EPHA6: variants seen among roughly 807,000 people sequenced by gnomAD.
The protein encoded by EPHA6 is ephrin type-A receptor 6.
Under a neutral mutation model 112.0 loss-of-function variants are expected in EPHA6, and 50 were observed. The ratio of observed to expected loss-of-function variants is 0.45; its 90% CI spans 0.36 to 0.56. The LOEUF (loss-of-function observed/expected upper bound fraction) is 0.56, where lower values mean the gene tolerates loss of function less well. Among genes scored for constraint, EPHA6 ranks in the 20% least tolerant of loss-of-function variants. The probability of loss-of-function intolerance (pLI) is 0.00; values close to 1 mark genes in which losing one functional copy is unlikely to be tolerated. For missense variants in EPHA6, 1,280 were observed against 1,417.4 expected (o/e 0.90, Z 1.56); for synonymous variants, 529 against 490.7 (o/e 1.08, Z -1.03).
chr3:97,615,906 T>C (rs908032307), intron 13 of EPHA6, among the ~76,000 whole-genome samples: 3 of 152,152 alleles, frequency 2.0e-5, no homozygotes, highest in African/African-American at 7.2e-5. Context: ...TTCCGGGCTT[T>C]GGAGAGCCCA....
chr3:97,481,520 T>G (rs1224749125), intron 9 of EPHA6: 1 of 926,180 alleles, frequency 1.1e-6, no homozygotes, highest in Non-Finnish European at 1.7e-6. Flanking sequence ...GGCGCGGGGC[T>G]AAGTGCAGGC....
chr3:97,689,445 G>T (rs978703810), intron 14 of EPHA6, among the ~76,000 whole-genome samples: 5 of 152,120 alleles, frequency 3.3e-5, no homozygotes, highest in African/African-American at 9.7e-5. Flanking sequence ...ATTTAGAAGG[G>T]TAATTTTTTG....
At chr3:97,728,335 A>G (rs528744896) in intron 15 of EPHA6, among the ~76,000 whole-genome samples, 3 of 152,074 alleles carry the variant, frequency 2.0e-5, no homozygotes, top group Non-Finnish European at 4.4e-5. Context: ...AGAAAAAAAA[A>G]TAGTCTCAGA....
chr3:97,179,717 G>GTCTCTCTCTCTCTC lies in EPHA6; in HGVS notation c.1115-46516_1115-46503dup, dbSNP rs71113852. Among the ~76,000 whole-genome samples the GTCTCTCTCTCTCTC allele has an allele frequency of 3.6e-3, 431 of 119,154 alleles. 28 individuals carry two copies. The highest frequency in any genetic ancestry group is 0.015 in the African/African-American group (403 of 26,154). 78.2% of individuals were successfully genotyped at this position (119,154 alleles called of 152,430 possible). A position where few individuals can be genotyped will look rare whatever the true frequency, so the allele number is the denominator to read the frequency against. On this transcript the variant is annotated intron_variant, in intron 3 of 17. Transcript: ENST00000389672. ...TTTTACTTTCTGCCAAACCTACAGA[G>GTCTCTCTCTCTCTC]TCTCTCTCTCTCTCTCTCTCTCTCT...
At chr3:97,553,844 G>A (rs1022993821) in intron 11 of EPHA6, among the ~76,000 whole-genome samples, 7 of 152,122 alleles carry the variant, frequency 4.6e-5, no homozygotes, top group Non-Finnish European at 1.0e-4. Context: ...TTCCCAAAAG[G>A]AAGGTAATTG....
rs2107455330 is a variant in EPHA6 at position 96,866,850 on chromosome 3, A to G, written c.411A>G (p.Val137=). 1 of 1,493,622 alleles carries G rather than the reference A, an allele frequency of 6.7e-7. No individual in the cohort carries two copies. The highest frequency in any genetic ancestry group is 1.4e-5 in the South Asian group (1 of 73,056). The allele number at this position is 1,493,622 out of a possible 1,614,324, so 92.5% of individuals were successfully genotyped here. ...TTGTGTTGCTTGATACAACAACTGT[A>G]CTGGGAGAGCTAGGATGGAAAACAT... The part of the protein sequence containing the change: ...NQVVLLDTTT[V]LGELGWKTYP... Residue 137 remains valine (V), a synonymous_variant, in exon 2 of 18, where the codon GTA becomes GTG. Coordinates refer to ENST00000389672, the MANE Select transcript of EPHA6 (RefSeq NM_001080448.3).
chr3:96,976,080 A>T (rs77478859), intron 2 of EPHA6, among the ~76,000 whole-genome samples: 4,450 of 152,248 alleles, frequency 0.029, 218 homozygotes, highest in African/African-American at 0.099. Flanking sequence ...TTATCCTGTA[A>T]TTTGTACATT....
Position 97,637,882 on chromosome 3 carries a change from G to A in EPHA6, c.2584G>A (p.Gly862Ser). ...TGTGATTCTCTTGCAGAAGCATGAT[G>A]GCCACTTCACAGTCATCCAGTTGGT... Reference protein sequence around the residue: ...SLDSFLRKHDGHFTVIQLVGM... With the variant: ...SLDSFLRKHDSHFTVIQLVGM... Residue 862 changes from glycine (G) to serine (S), a missense_variant, in exon 14 of 18, where the codon GGC (glycine) becomes AGC (serine). By Grantham distance (56) the Gly-to-Ser change is moderately conservative. Transcript: ENST00000389672. 1 of 1,613,530 alleles carries A rather than the reference G, an allele frequency of 6.2e-7. No individual in the cohort carries two copies. The highest frequency in any genetic ancestry group is 8.5e-7 in the Non-Finnish European group (1 of 1,179,546).
intron 2 of EPHA6, among the ~76,000 whole-genome samples, chr3:96,913,265 G>A (rs1242216545): frequency 6.6e-6 from 1 of 151,352 alleles, no homozygotes; most frequent in African/African-American, 2.4e-5. Flanking sequence ...AGCTACTCAA[G>A]AGGCTAAGGT....
chr3:97,005,238 G>A (rs772498502), intron 3 of EPHA6, among the ~76,000 whole-genome samples: 1 of 151,812 alleles, frequency 6.6e-6, no homozygotes, highest in Non-Finnish European at 1.5e-5. Context: ...TTGAATCTTC[G>A]TATCCATGAG....
chr3:97,465,638 G>A (rs1461166751), intron 7 of EPHA6, among the ~76,000 whole-genome samples: 1 of 152,010 alleles, frequency 6.6e-6, no homozygotes, highest in African/African-American at 2.4e-5. Context: ...TCACTTTCAG[G>A]AGATGGTTAA....
chr3:97,448,164 C>A (rs1226164293), intron 6 of EPHA6, among the ~76,000 whole-genome samples: 1 of 152,104 alleles, frequency 6.6e-6, no homozygotes, highest in East Asian at 1.9e-4. Flanking sequence ...GCACTACCTG[C>A]GGGTAGAAGT....
chr3:97,634,706 G>A (rs1018015121), intron 13 of EPHA6, among the ~76,000 whole-genome samples: 2 of 151,988 alleles, frequency 1.3e-5, no homozygotes, highest in Non-Finnish European at 2.9e-5. Context: ...TAGGACAGGG[G>A]CCCAGTCTTT....
chr3:97,273,912 G>C (rs936319414), intron 5 of EPHA6, among the ~76,000 whole-genome samples: 2 of 152,140 alleles, frequency 1.3e-5, no homozygotes, highest in Non-Finnish European at 2.9e-5. Flanking sequence ...TTTCTGACTC[G>C]GGGCATGTGA....
At chr3:97,220,847 T>C (rs1272725390) in intron 3 of EPHA6, among the ~76,000 whole-genome samples, 2 of 152,138 alleles carry the variant, frequency 1.3e-5, no homozygotes, top group Non-Finnish European at 2.9e-5. Context: ...CAATAGAGAA[T>C]AGCATAGCCA....
intron 2 of EPHA6, among the ~76,000 whole-genome samples, chr3:96,933,372 T>C (rs2040431169): frequency 6.6e-6 from 1 of 152,192 alleles, no homozygotes; most frequent in African/African-American, 2.4e-5. Flanking sequence ...GTTTCTAAAA[T>C]TGCAGGTTTT....
At chr3:97,451,603 A>C (rs1307515758) in intron 7 of EPHA6, among the ~76,000 whole-genome samples, 4 of 151,746 alleles carry the variant, frequency 2.6e-5, no homozygotes, top group East Asian at 1.9e-4. Flanking sequence ...AAAAAAAAAA[A>C]AAAAAACTGG....
chr3:97,479,400 A>G, intron 9 of EPHA6, 36 bp downstream of exon 9: 1 of 1,455,430 alleles, frequency 6.9e-7, no homozygotes, highest in Non-Finnish European at 9.4e-7. Context: ...ATTATTTTGT[A>G]CTGTTCCAGC....
intron 11 of EPHA6, among the ~76,000 whole-genome samples, chr3:97,589,162 T>G (rs1306989649): frequency 6.7e-6 from 1 of 150,334 alleles, no homozygotes; most frequent in Admixed American, 6.6e-5. Context: ...TCTTTTCTTC[T>G]CTTTTTTTTT....
Sources: gnomAD v4.1 joint callset for allele counts (sites outside exome capture counted in the v4.1 genomes callset) on GRCh38, gnomAD v4.1.1 for gene constraint, MANE v1.5 for transcripts, NCBI Gene and HGNC (gene_info 2026-07-23, HGNC 2026-07-21) for gene names.